ACSM3: variants seen among roughly 807,000 people sequenced by gnomAD.
ACSM3 encodes acyl-CoA synthetase medium chain family member 3, also known as acyl-coenzyme A synthetase ACSM3, mitochondrial.
Under a neutral mutation model 74.1 loss-of-function variants are expected in ACSM3, and 61 were observed. The ratio of observed to expected loss-of-function variants is 0.82; its 90% CI spans 0.67 to 1.02. The LOEUF is 1.02. Among genes scored for constraint, ACSM3 ranks in the 50% least tolerant of loss-of-function variants. The pLI is 0.00. For missense variants in ACSM3, 660 were observed against 697.0 expected, an observed-to-expected ratio of 0.95 and a Z score of 0.60; for synonymous variants, 213 against 241.5, an observed-to-expected ratio of 0.88 and a Z score of 1.09.
At chr16:20,718,021 AAGAAGAAAAGAAAG>A in intron 1 of ACSM3, among the ~76,000 whole-genome samples, 1 of 149,392 alleles carries the variant, frequency 6.7e-6, no homozygotes, top group African/African-American at 2.5e-5. Context: ...GAAGAAGAAG[AAGAAGAAAAGAAAG>A]AAGAAGAAGA....
intron 9 of ACSM3, among the ~76,000 whole-genome samples, chr16:20,788,335 T>C (rs916702508): frequency 6.6e-6 from 1 of 152,210 alleles, no homozygotes; most frequent in Non-Finnish European, 1.5e-5. Context: ...CATGCATGGC[T>C]ATCAGGGTCT....
intron 1 of ACSM3, chr16:20,681,148 C>T (rs767384492): frequency 6.6e-6 from 1 of 152,202 alleles, no homozygotes. Flanking sequence ...ATATGCTCAA[C>T]TGCATCATAA....
intron 1 of ACSM3, chr16:20,681,276 A>T (rs969704518): frequency 6.6e-6 from 1 of 152,240 alleles, no homozygotes; most frequent in Admixed American, 6.5e-5. Context: ...GCATTAGATT[A>T]TCACTTAGCC....
chr16:20,741,478 C>CTGGGGG, intron 1 of ACSM3: 1 of 1,336,932 alleles, frequency 7.5e-7, no homozygotes, highest in Non-Finnish European at 9.7e-7. Context: ...GGCCTGGCAG[C>CTGGGGG]CGGCCCGCCC....
intron 1 of ACSM3, among the ~76,000 whole-genome samples, chr16:20,729,952 C>T (rs1455029810): frequency 4.6e-5 from 7 of 152,188 alleles, no homozygotes; most frequent in African/African-American, 7.2e-5. Flanking sequence ...TAGCAATCAA[C>T]TCCAGACTTA....
chr16:20,781,127 G>T lies in ACSM3; in HGVS notation c.936G>T (p.Leu312Phe). The part of the protein sequence containing the change: ...HLPRFEPTSI[L>F]QTLSKYPITV... The stretch of plus-strand genomic sequence containing the variant: ...CCCGTTTTGAGCCGACTTCTATCTT[G>T]CAAGTAAGCCAAAGCACAAAGAGGT... Residue 312 changes from leucine to phenylalanine, a missense_variant, in exon 6 of 14, where the codon TTG becomes TTT. Coordinates refer to ENST00000289416, the MANE Select transcript of ACSM3 (RefSeq NM_005622.4). The T allele has an allele frequency of 6.2e-7, 1 of 1,613,828 alleles. No homozygotes were observed. The highest frequency in any genetic ancestry group is 1.1e-5 in the South Asian group (1 of 90,968).
At chr16:20,676,176 G>GTCAGGGAGGGTGTC (rs1340706101) in intron 1 of ACSM3, 1 of 152,366 alleles carries the variant, frequency 6.6e-6, no homozygotes, top group Non-Finnish European at 1.5e-5. Flanking sequence ...GGCTGGAAAA[G>GTCAGGGAGGGTGTC]TCAGGGAGGG....
intron 1 of ACSM3, among the ~76,000 whole-genome samples, chr16:20,769,033 T>C (rs745322531): frequency 6.6e-6 from 1 of 152,192 alleles, no homozygotes; most frequent in Non-Finnish European, 1.5e-5. Flanking sequence ...TTAGCTGACA[T>C]CTGCAATTAT....
intron 1 of ACSM3, chr16:20,734,209 T>G (rs950921481): frequency 6.6e-6 from 1 of 152,594 alleles, no homozygotes; most frequent in African/African-American, 2.4e-5. Flanking sequence ...TTCCACAGAG[T>G]TGTATGCTCT....
intron 1 of ACSM3, among the ~76,000 whole-genome samples, chr16:20,693,550 G>A (rs145155465): frequency 4.7e-4 from 72 of 152,154 alleles, no homozygotes; most frequent in South Asian, 1.9e-3. Flanking sequence ...ATAAAATACC[G>A]GCTGACAACA....
intron 4 of ACSM3, chr16:20,780,103 A>T (rs2080321008): frequency 6.4e-6 from 1 of 157,022 alleles, no homozygotes; most frequent in Admixed American, 6.3e-5. Context: ...GAGAATAAAT[A>T]CTTAAGGCTT....
chr16:20,691,236 C>A, intron 1 of ACSM3: 2 of 1,457,546 alleles, frequency 1.4e-6, no homozygotes, highest in Non-Finnish European at 1.8e-6. Flanking sequence ...AAGTCACCAC[C>A]TGCCTTGGGA....
At chr16:20,738,476 A>G (rs1283951433) in intron 1 of ACSM3, among the ~76,000 whole-genome samples, 1 of 152,194 alleles carries the variant, frequency 6.6e-6, no homozygotes, top group African/African-American at 2.4e-5. Context: ...CCTACATACA[A>G]GTATATTTGG....
chr16:20,727,300 C>G, intron 1 of ACSM3: 1 of 555,842 alleles, frequency 1.8e-6, no homozygotes, highest in South Asian at 1.4e-5. Context: ...GGAAAGCACT[C>G]AGGTTCCTCT....
intron 2 of ACSM3, among the ~76,000 whole-genome samples, chr16:20,773,881 G>T (rs917462418): frequency 5.3e-5 from 8 of 152,136 alleles, no homozygotes; most frequent in Non-Finnish European, 1.2e-4. Flanking sequence ...GGTCCATTTG[G>T]TCCAAAGTGC....
At chr16:20,735,801 A>C (rs2079864015) in intron 1 of ACSM3, 1 of 152,244 alleles carries the variant, frequency 6.6e-6, no homozygotes, top group Admixed American at 6.5e-5. Flanking sequence ...TAATGACACA[A>C]AACCTTTTTT....
chr16:20,790,760 C>T lies in ACSM3; in HGVS notation c.1326+72C>T. On this transcript the variant is annotated intron_variant, in intron 10 of 13. Coordinates refer to ENST00000289416, the MANE Select transcript of ACSM3 (RefSeq NM_005622.4). The surrounding 1 kb of genome is among the most constrained non-coding windows in gnomAD (Gnocchi z 4.0). ...GCTTGGTAACAATCCCTGTTTGCCACAAAACATACCTAGGATAGGTACTTG... is the reference window on the plus strand; with the variant it reads ...GCTTGGTAACAATCCCTGTTTGCCATAAAACATACCTAGGATAGGTACTTG... 1 of 1,613,338 alleles carries T rather than the reference C, an allele frequency of 6.2e-7. No homozygotes were observed. Among genetic ancestry groups the T allele is most frequent in the Non-Finnish European group, 8.5e-7 (1 of 1,179,454 alleles).
At chr16:20,706,835 C>T (rs2079729502) in intron 1 of ACSM3, among the ~76,000 whole-genome samples, 1 of 152,130 alleles carries the variant, frequency 6.6e-6, no homozygotes, top group African/African-American at 2.4e-5. Flanking sequence ...AGCAATCAGT[C>T]CTGCTTGCAT....
At chr16:20,758,791 A>T (rs577492770) in intron 3 of ACSM3, among the ~76,000 whole-genome samples, 11 of 148,896 alleles carry the variant, frequency 7.4e-5, no homozygotes, top group Non-Finnish European at 1.3e-4. Context: ...CCCTCTACAC[A>T]CTGCTTTGAA....
Sources: allele counts gnomAD v4.1 joint callset (sites outside exome capture counted in the v4.1 genomes callset), GRCh38; gene constraint gnomAD v4.1.1; non-coding constraint Gnocchi (gnomAD v3.1); transcripts MANE v1.5; gene names NCBI Gene and HGNC (gene_info 2026-07-23, HGNC 2026-07-21).